TNS3: variants seen among roughly 807,000 people sequenced by gnomAD.
The protein encoded by TNS3 is tensin-3.
TNS3 carries 45 observed loss-of-function variants against 140.9 expected under a neutral mutation model. The ratio of observed to expected loss-of-function variants is 0.32; its 90% confidence interval spans 0.25 to 0.41. The LOEUF (loss-of-function observed/expected upper bound fraction) is 0.41. Ranked by LOEUF, TNS3 falls within the 10% of genes least tolerant of loss-of-function variation. The pLI is 1.00. For missense variants in TNS3, 1,716 were observed against 1,906.7 expected (o/e 0.90, Z 1.86); for synonymous variants, 815 against 788.4 (o/e 1.03, Z -0.56).
At chr7:47,488,125 T>C (rs1797678951) in intron 3 of TNS3, among the ~76,000 whole-genome samples, 1 of 152,210 alleles carries the variant, frequency 6.6e-6, no homozygotes, top group Non-Finnish European at 1.5e-5. Flanking sequence ...ACATTGTATG[T>C]TACTGATCAA....
At chr7:47,305,479 C>T (rs1359253245) in intron 20 of TNS3, among the ~76,000 whole-genome samples, 1 of 152,252 alleles carries the variant, frequency 6.6e-6, no homozygotes, top group Non-Finnish European at 1.5e-5. Flanking sequence ...CTGCGGCAGC[C>T]GGGCGGCCTA....
At chr7:47,571,448 G>A (rs1307909756) in intron 1 of TNS3, among the ~76,000 whole-genome samples, 1 of 152,218 alleles carries the variant, frequency 6.6e-6, no homozygotes, top group Non-Finnish European at 1.5e-5. Context: ...ACCCACGCTG[G>A]GGACTTCCTC....
intron 1 of TNS3, among the ~76,000 whole-genome samples, chr7:47,546,667 C>A (rs2151974712): frequency 6.6e-6 from 1 of 152,212 alleles, no homozygotes; most frequent in Non-Finnish European, 1.5e-5. Context: ...AAATGTTATT[C>A]AAGCAAAGAA....
chr7:47,314,353 C>G (rs538904802), intron 20 of TNS3, among the ~76,000 whole-genome samples: 1 of 152,180 alleles, frequency 6.6e-6, no homozygotes, highest in African/African-American at 2.4e-5. Flanking sequence ...CCATGCTTAA[C>G]GGAAGAGGAG....
intron 4 of TNS3, among the ~76,000 whole-genome samples, chr7:47,468,592 C>T (rs1796818965): frequency 6.6e-6 from 1 of 152,048 alleles, no homozygotes; most frequent in Non-Finnish European, 1.5e-5. Context: ...TCAGAGAAAA[C>T]ACAAGCAAAT....
chr7:47,432,168 G>A (rs1249432397), intron 8 of TNS3, among the ~76,000 whole-genome samples: 1 of 152,212 alleles, frequency 6.6e-6, no homozygotes, highest in East Asian at 1.9e-4. Flanking sequence ...CAATGTGGCA[G>A]TATTGAGTGG....
At chr7:47,546,810 C>T (rs963131804) in intron 1 of TNS3, among the ~76,000 whole-genome samples, 8 of 152,174 alleles carry the variant, frequency 5.3e-5, no homozygotes, top group African/African-American at 1.7e-4. Context: ...CTATAAACTA[C>T]GCGTGTGCCA....
chr7:47,380,951 T>C (rs1365167797), intron 16 of TNS3, among the ~76,000 whole-genome samples: 1 of 152,014 alleles, frequency 6.6e-6, no homozygotes, highest in African/African-American at 2.4e-5. Context: ...CTCCCACTAG[T>C]GTAGAAGGTA....
At chr7:47,365,759 C>G (rs1320452089) in intron 17 of TNS3, among the ~76,000 whole-genome samples, 1 of 151,184 alleles carries the variant, frequency 6.6e-6, no homozygotes, top group Non-Finnish European at 1.5e-5. Flanking sequence ...GACTCTGTCT[C>G]AAAAAAATAA....
intron 20 of TNS3, among the ~76,000 whole-genome samples, chr7:47,332,683 C>T (rs745978886): frequency 1.8e-4 from 27 of 152,300 alleles, no homozygotes; most frequent in South Asian, 8.3e-4. Flanking sequence ...GTTACACTAC[C>T]GTATTCACAG....
chr7:47,396,754 C>G, intron 16 of TNS3, 46 bp downstream of exon 16: 4 of 1,476,228 alleles, frequency 2.7e-6, no homozygotes, highest in Non-Finnish European at 3.8e-6. Context: ...GCTGTCTTCC[C>G]TGTGCCCTTT....
intron 3 of TNS3, among the ~76,000 whole-genome samples, chr7:47,502,825 CCTT>C (rs1038179095): frequency 2.0e-5 from 3 of 152,204 alleles, no homozygotes; most frequent in African/African-American, 7.2e-5. Context: ...GCTGCACTCT[CCTT>C]CTACAGACTC....
intron 27 of TNS3, among the ~76,000 whole-genome samples, chr7:47,290,350 A>G (rs2150597377): frequency 6.6e-6 from 1 of 152,356 alleles, no homozygotes; most frequent in Admixed American, 6.5e-5. Flanking sequence ...ATAAAACAGG[A>G]AATCAATAAG....
intron 20 of TNS3, among the ~76,000 whole-genome samples, chr7:47,325,321 C>A (rs1276638382): frequency 2.0e-5 from 3 of 152,190 alleles, no homozygotes; most frequent in Non-Finnish European, 2.9e-5. Flanking sequence ...ATCTTCCACT[C>A]CACGTTTGTA....
At chr7:47,558,509 T>C (rs375554397) in intron 1 of TNS3, among the ~76,000 whole-genome samples, 50 of 152,130 alleles carry the variant, frequency 3.3e-4, no homozygotes, top group African/African-American at 7.0e-4. Flanking sequence ...CACCCTGCAG[T>C]GGAGCACACC....
intron 3 of TNS3, among the ~76,000 whole-genome samples, chr7:47,497,718 G>A (rs370338746): frequency 1.1e-4 from 16 of 142,858 alleles, no homozygotes; most frequent in Non-Finnish European, 2.0e-4. Context: ...TGTTCACCGC[G>A]TGCTCTTTTC....
chr7:47,565,406 G>C (rs1174458657), intron 1 of TNS3, among the ~76,000 whole-genome samples: 1 of 146,144 alleles, frequency 6.8e-6, no homozygotes. Context: ...TCACTCTTTC[G>C]CCCAGGCTGG....
chr7:47,288,389 C>G (rs866071283), intron 27 of TNS3, among the ~76,000 whole-genome samples: 2 of 152,254 alleles, frequency 1.3e-5, no homozygotes, highest in South Asian at 4.1e-4. Flanking sequence ...TTCTTGAACA[C>G]TGCCGATGCA....
At chr7:47,492,681 C>T (rs1797857918) in intron 3 of TNS3, among the ~76,000 whole-genome samples, 1 of 152,242 alleles carries the variant, frequency 6.6e-6, no homozygotes, top group Non-Finnish European at 1.5e-5. Context: ...TTGTAATATC[C>T]TCTTCTTATT....
Sources: gnomAD v4.1 joint callset for allele counts (sites outside exome capture counted in the v4.1 genomes callset) on GRCh38, gnomAD v4.1.1 for gene constraint, MANE v1.5 for transcripts, NCBI Gene and HGNC (gene_info 2026-07-23, HGNC 2026-07-21) for gene names.